The following BAZ2B variants were observed in gnomAD, a reference collection of about 807,000 sequenced individuals.
The protein encoded by BAZ2B is bromodomain adjacent to zinc finger domain 2B.
Under a neutral mutation model 246.0 loss-of-function variants are expected in BAZ2B, and 91 were observed. The observed-to-expected ratio is 0.37, with a 90% CI of 0.31 to 0.44. The LOEUF (loss-of-function observed/expected upper bound fraction) is 0.44, where lower values mean the gene tolerates loss of function less well. BAZ2B is among the 20% of genes least tolerant of loss of function. The probability of loss-of-function intolerance (pLI) is 1.00; values close to 1 mark genes in which losing one functional copy is unlikely to be tolerated. For missense variants in BAZ2B, 2,332 were observed against 2,533.7 expected, an observed-to-expected ratio of 0.92 and a Z score of 1.71; for synonymous variants, 855 against 860.0, an observed-to-expected ratio of 0.99 and a Z score of 0.10.
At chr2:159,513,825 G>T (rs2083170037) in intron 2 of BAZ2B, among the ~76,000 whole-genome samples, 1 of 152,038 alleles carries the variant, frequency 6.6e-6, no homozygotes, top group South Asian at 2.1e-4. Flanking sequence ...TGAAAGCCCT[G>T]GAGTGGCTCC....
chr2:159,397,476 T>C (rs942784241), intron 18 of BAZ2B, 87 bp from the exon 19 acceptor site: 4 of 861,342 alleles, frequency 4.6e-6, no homozygotes, highest in African/African-American at 1.7e-5. Flanking sequence ...TCTGAGATTC[T>C]ATAGTTTTTC....
At chr2:159,358,554 C>T (rs542424993) in intron 27 of BAZ2B, among the ~76,000 whole-genome samples, 5 of 152,120 alleles carry the variant, frequency 3.3e-5, no homozygotes, top group African/African-American at 7.2e-5. Flanking sequence ...GACAAATCAA[C>T]GAGACAGAAA....
chr2:159,651,607 A>G, the BAZ2B span, among the ~76,000 whole-genome samples: 1 of 152,220 alleles, frequency 6.6e-6, no homozygotes, highest in Admixed American at 6.5e-5. Context: ...CATAAAACTT[A>G]CCCCTTTGAA....
chr2:159,490,765 G>A (rs1005886296), intron 2 of BAZ2B, among the ~76,000 whole-genome samples: 2 of 151,982 alleles, frequency 1.3e-5, no homozygotes, highest in African/African-American at 4.8e-5. Context: ...GGTTTTAAAG[G>A]GGATATAAAT....
intron 1 of BAZ2B, among the ~76,000 whole-genome samples, chr2:159,612,479 A>G (rs1009152555): frequency 2.6e-5 from 4 of 152,136 alleles, no homozygotes; most frequent in African/African-American, 4.8e-5. Context: ...GTGCTAAATC[A>G]TATCTCTTCT....
chr2:159,707,393 AT>A, the BAZ2B span, among the ~76,000 whole-genome samples: 1 of 152,016 alleles, frequency 6.6e-6, no homozygotes, highest in Non-Finnish European at 1.5e-5. Context: ...TATTAAAAAA[AT>A]AATTATAATA....
chr2:159,584,022 G>A (rs142340788), intron 1 of BAZ2B, among the ~76,000 whole-genome samples: 228 of 152,266 alleles, frequency 1.5e-3, no homozygotes, highest in Non-Finnish European at 2.0e-3. Context: ...AAAATGCTGC[G>A]AGGAAGATCA....
At chr2:159,348,319 CAAAAAAAAA>C (rs541304274) in intron 30 of BAZ2B, among the ~76,000 whole-genome samples, 1 of 27,152 alleles carries the variant, frequency 3.7e-5, no homozygotes, top group African/African-American at 9.1e-5. Flanking sequence ...GACTCTCTCA[CAAAAAAAAA>C]AAAAAAAAAA....
At chr2:159,700,422 ATATTT>A in the BAZ2B span, among the ~76,000 whole-genome samples, 7 of 149,400 alleles carry the variant, frequency 4.7e-5, no homozygotes, top group Non-Finnish European at 7.4e-5. Context: ...AATTTGTATT[ATATTT>A]TATAATTGTA....
intron 1 of BAZ2B, among the ~76,000 whole-genome samples, chr2:159,610,674 A>C (rs1694532512): frequency 1.3e-5 from 2 of 152,184 alleles, no homozygotes; most frequent in Non-Finnish European, 2.9e-5. Flanking sequence ...CCCAATATGC[A>C]ATAGTTTTTA....
At chr2:159,518,702 A>G (rs2083709673) in intron 2 of BAZ2B, among the ~76,000 whole-genome samples, 1 of 152,192 alleles carries the variant, frequency 6.6e-6, no homozygotes, top group African/African-American at 2.4e-5. Context: ...CGTCTTTAAA[A>G]CTAATATGAA....
the BAZ2B span, among the ~76,000 whole-genome samples, chr2:159,663,210 C>CTT: frequency 1.5e-5 from 2 of 130,404 alleles, no homozygotes; most frequent in Admixed American, 7.7e-5. Context: ...TCTTTTTTTT[C>CTT]TTTTTTTTTT....
intron 2 of BAZ2B, among the ~76,000 whole-genome samples, chr2:159,525,049 T>C (rs1443960989): frequency 3.3e-5 from 5 of 152,114 alleles, no homozygotes; most frequent in Non-Finnish European, 7.4e-5. Flanking sequence ...TGGAACATAC[T>C]ACCATTTATA....
At chr2:159,556,537 T>C (rs2089160995) in intron 1 of BAZ2B, among the ~76,000 whole-genome samples, 1 of 152,136 alleles carries the variant, frequency 6.6e-6, no homozygotes, top group African/African-American at 2.4e-5. Flanking sequence ...CGTGGCTCAC[T>C]GCAACCTCTG....
chr2:159,415,948 G>A (rs966915846), intron 13 of BAZ2B, among the ~76,000 whole-genome samples: 2 of 152,114 alleles, frequency 1.3e-5, no homozygotes, highest in Non-Finnish European at 2.9e-5. Flanking sequence ...TTACAATTGA[G>A]GAAATTCAGG....
chr2:159,686,820 A>G, the BAZ2B span, among the ~76,000 whole-genome samples: 1 of 152,126 alleles, frequency 6.6e-6, no homozygotes, highest in African/African-American at 2.4e-5. Flanking sequence ...AGGCGGACGG[A>G]TCACAAGGTC....
At chr2:159,500,276 T>C (rs963710771) in intron 2 of BAZ2B, among the ~76,000 whole-genome samples, 2 of 152,140 alleles carry the variant, frequency 1.3e-5, no homozygotes, top group Admixed American at 6.5e-5. Flanking sequence ...AAATAGGGAG[T>C]CCTTTTCCCA....
chr2:159,328,850 G>A (rs569470019), intron 34 of BAZ2B, among the ~76,000 whole-genome samples: 3 of 152,224 alleles, frequency 2.0e-5, no homozygotes, highest in African/African-American at 4.8e-5. Context: ...AACAAAGGCC[G>A]GGCACAGTGG....
downstream of BAZ2B, among the ~76,000 whole-genome samples, chr2:159,317,388 C>T (rs1162552727): frequency 2.0e-5 from 3 of 152,184 alleles, no homozygotes; most frequent in Non-Finnish European, 2.9e-5. Flanking sequence ...GGAGTTGGAA[C>T]AAGAAAAAGA....
Sources: gnomAD v4.1 joint callset for allele counts (sites outside exome capture counted in the v4.1 genomes callset) on GRCh38, gnomAD v4.1.1 for gene constraint, MANE v1.5 for transcripts, NCBI Gene and HGNC (gene_info 2026-07-23, HGNC 2026-07-21) for gene names.